Variants in STK32B observed in about 807,000 individuals in gnomAD.
The protein encoded by STK32B is serine/threonine-protein kinase 32B.
A neutral mutation model predicts 52.6 loss-of-function variants in STK32B; 43 were observed. That is an observed-to-expected ratio of 0.82 (90% CI 0.64 to 1.05). STK32B has a LOEUF of 1.05. STK32B is among the 50% of genes least tolerant of loss of function. The pLI, the probability that STK32B is intolerant of heterozygous loss-of-function variation, is 0.00. For synonymous variants in STK32B, 238 were observed against 204.3 expected, an observed-to-expected ratio of 1.17 and a Z score of -1.41; for missense variants, 621 against 534.6, an observed-to-expected ratio of 1.16 and a Z score of -1.59.
chr4:5,038,775 T>C, the STK32B span, among the ~76,000 whole-genome samples: 1 of 152,208 alleles, frequency 6.6e-6, no homozygotes, highest in Non-Finnish European at 1.5e-5. Context: ...AGGACATGAC[T>C]GTATTATACT....
chr4:5,474,597 C>G (rs1025645003), intron 11 of STK32B, among the ~76,000 whole-genome samples: 1 of 152,194 alleles, frequency 6.6e-6, no homozygotes, highest in African/African-American at 2.4e-5. Flanking sequence ...TAGCAAACTT[C>G]AAAACTCTAG....
intron 6 of STK32B, among the ~76,000 whole-genome samples, chr4:5,423,913 G>A (rs568892469): frequency 4.8e-4 from 73 of 152,270 alleles, no homozygotes; most frequent in Non-Finnish European, 9.7e-4. Flanking sequence ...TTGTGAGTTG[G>A]AGAGGCGGGA....
intron 3 of STK32B, among the ~76,000 whole-genome samples, chr4:5,270,851 G>A (rs1391292661): frequency 1.3e-5 from 2 of 152,122 alleles, no homozygotes; most frequent in African/African-American, 2.4e-5. Context: ...GAGTTTATCA[G>A]GGTTGCAGAC....
At chr4:5,251,007 T>C (rs1222083516) in intron 3 of STK32B, among the ~76,000 whole-genome samples, 2 of 152,196 alleles carry the variant, frequency 1.3e-5, no homozygotes, top group African/African-American at 4.8e-5. Context: ...ATTCTGTAGG[T>C]TGTCTTTTTA....
intron 4 of STK32B, among the ~76,000 whole-genome samples, chr4:5,358,699 A>ACGCGCGCG (rs760924835): frequency 1.0e-5 from 1 of 95,252 alleles, no homozygotes; most frequent in Admixed American, 1.1e-4. Context: ...ATTCACACAC[A>ACGCGCGCG]TGCACACACA....
rs1713503668 is a variant in STK32B at position 5,430,689 on chromosome 4, T to TAC, written c.562+13755_562+13756insAC. On this transcript the variant is annotated intron_variant, in intron 6 of 11. Transcript: ENST00000282908. ...AATGGACATGTTTCTTTTACTACTA[T>TAC]GCTTTTAGTTTTCTTTGGAGGAGGA... 5.2e-5 allele frequency among the ~76,000 whole-genome samples: 7 copies of TAC among 135,332 alleles called. No homozygotes were observed. The South Asian group carries it at 1.6e-3, about 31-fold the overall frequency. The allele number at this position is 135,332 out of a possible 152,430, so 88.8% of individuals were successfully genotyped here.
intron 1 of STK32B, among the ~76,000 whole-genome samples, chr4:5,114,870 G>A (rs1357800012): frequency 6.6e-6 from 1 of 152,052 alleles, no homozygotes; most frequent in Non-Finnish European, 1.5e-5. Context: ...TCACAGGTTG[G>A]AGCCTGTCCT....
rs192558177 is a variant in STK32B at position 5,109,859 on chromosome 4, C to T, written c.53-30046C>T. On this transcript the variant is annotated intron_variant, in intron 1 of 11. Coordinates refer to ENST00000282908, the MANE Select transcript of STK32B (RefSeq NM_018401.3). The stretch of plus-strand genomic sequence containing the variant: ...TCTCTGACAACATGATCATATACCT[C>T]GAAAACCTTGAAGACTCCTCTAGAA... Among the ~76,000 whole-genome samples, 219 of 152,188 alleles carry T rather than the reference C, an allele frequency of 1.4e-3. 2 individuals carry two copies. The highest frequency in any genetic ancestry group is 4.8e-3 in the African/African-American group (199 of 41,534).
chr4:5,138,653 G>A (rs1716222011), intron 1 of STK32B, among the ~76,000 whole-genome samples: 1 of 152,184 alleles, frequency 6.6e-6, no homozygotes, highest in South Asian at 2.1e-4. Context: ...TTAGAGTCTA[G>A]TAGGGAAAAG....
chr4:5,161,190 CAAGT>C lies in STK32B; in HGVS notation c.109-7103_109-7100del, dbSNP rs886584046. Among the ~76,000 whole-genome samples the C allele has an allele frequency of 2.6e-5, 4 of 152,140 alleles. No individual in the cohort carries two copies. In the East Asian group the frequency reaches 7.7e-4, roughly 29 times the overall value. On this transcript the variant is annotated intron_variant, in intron 2 of 11. Transcript: ENST00000282908. ...ATGTTTATTGAGTGAAATACTCATC[CAAGT>C]AAGTATTTTTCTTGAGACCAACTTT...
intron 6 of STK32B, chr4:5,437,867 C>A: frequency 1.0e-6 from 1 of 969,062 alleles, no homozygotes; most frequent in Non-Finnish European, 1.2e-6. Flanking sequence ...TTCTGAACAG[C>A]CAATGACATC....
chr4:5,253,557 GT>G (rs997486927), intron 3 of STK32B, among the ~76,000 whole-genome samples: 1 of 151,986 alleles, frequency 6.6e-6, no homozygotes, highest in Admixed American at 6.6e-5. Context: ...TGTATTTTTA[GT>G]AGAGATGAGG....
chr4:5,493,816 C>T (rs567069221), intron 11 of STK32B, among the ~76,000 whole-genome samples: 105 of 152,336 alleles, frequency 6.9e-4, no homozygotes, highest in Middle Eastern at 3.4e-3. Flanking sequence ...ATCTTTATTT[C>T]TGCCTTCATT....
At chr4:5,172,562 A>G (rs927306931) in intron 3 of STK32B, among the ~76,000 whole-genome samples, 1 of 152,302 alleles carries the variant, frequency 6.6e-6, no homozygotes, top group East Asian at 1.9e-4. Context: ...ATCTATTGAG[A>G]TAACCATGTG....
chr4:5,236,702 A>G (rs1369086288), intron 3 of STK32B, among the ~76,000 whole-genome samples: 1 of 152,256 alleles, frequency 6.6e-6, no homozygotes, highest in Non-Finnish European at 1.5e-5. Context: ...TGTCACAGGC[A>G]GCTGTAGATT....
chr4:5,345,913 C>G (rs1462568726), intron 4 of STK32B, among the ~76,000 whole-genome samples: 1 of 152,210 alleles, frequency 6.6e-6, no homozygotes, highest in Non-Finnish European at 1.5e-5. Flanking sequence ...ATCCTCCCTC[C>G]CTGAAGTTCT....
At chr4:5,328,679 A>G (rs1732030196) in intron 3 of STK32B, among the ~76,000 whole-genome samples, 1 of 152,234 alleles carries the variant, frequency 6.6e-6, no homozygotes, top group South Asian at 2.1e-4. Context: ...AAATTTTGCA[A>G]GAATTACCAA....
At chr4:5,141,780 C>T (rs1716475164) in intron 2 of STK32B, among the ~76,000 whole-genome samples, 1 of 152,106 alleles carries the variant, frequency 6.6e-6, no homozygotes, top group East Asian at 1.9e-4. Context: ...CAGAGGCTGT[C>T]TGATGTCATC....
At chr4:5,382,712 T>C (rs1445728014) in intron 4 of STK32B, among the ~76,000 whole-genome samples, 2 of 152,234 alleles carry the variant, frequency 1.3e-5, no homozygotes, top group African/African-American at 2.4e-5. Flanking sequence ...TATTTGGAAA[T>C]TGATCATGTT....
Sources: allele counts gnomAD v4.1 joint callset (sites outside exome capture counted in the v4.1 genomes callset), GRCh38; gene constraint gnomAD v4.1.1; transcripts MANE v1.5; gene names NCBI Gene and HGNC (gene_info 2026-07-23, HGNC 2026-07-21).